The following GAB3 variants were observed in gnomAD, a reference collection of about 807,000 sequenced individuals.
GAB3 encodes the protein GRB2-associated-binding protein 3.
A neutral mutation model predicts 40.4 loss-of-function variants in GAB3; 12 were observed. That is an observed-to-expected ratio of 0.30 (90% CI 0.19 to 0.48). The LOEUF (loss-of-function observed/expected upper bound fraction) is 0.48, where lower values mean the gene tolerates loss of function less well. Among genes scored for constraint, GAB3 ranks in the 20% least tolerant of loss-of-function variants. The probability of loss-of-function intolerance (pLI) is 0.99; values close to 1 mark genes in which losing one functional copy is unlikely to be tolerated. For missense variants in GAB3, 381 were observed against 461.9 expected (o/e 0.82, Z 1.61); for synonymous variants, 154 against 176.7 (o/e 0.87, Z 1.02).
At chrX:154,731,221 G>A in intron 1 of GAB3, among the ~76,000 whole-genome samples, 1 of 112,038 alleles carries the variant, frequency 8.9e-6, no homozygotes, top group Non-Finnish European at 1.9e-5. Flanking sequence ...GTCAGGATCA[G>A]GATGCAAAAT....
At chrX:154,745,987 G>A (rs947236064) in intron 1 of GAB3, among the ~76,000 whole-genome samples, 2 of 107,349 alleles carry the variant, frequency 1.9e-5, no homozygotes, top group Non-Finnish European at 3.9e-5. Flanking sequence ...AGGAGGTGGA[G>A]GTTGCAGCGA....
intron 1 of GAB3, among the ~76,000 whole-genome samples, chrX:154,720,813 C>T (rs1557258589): frequency 9.0e-6 from 1 of 111,407 alleles, no homozygotes; most frequent in Non-Finnish European, 1.9e-5. Flanking sequence ...GTATTCTGAT[C>T]AGTAATGGAA....
Position 154,723,266 on chromosome X carries a change from G to A in GAB3, c.73-6937C>T, listed in dbSNP as rs138812064. ...TGGATTCATTCAATCAATATTTACCGAGTGTCCACTATGTGCCAGACACTG... is the reference window on the plus strand; with the variant it reads ...TGGATTCATTCAATCAATATTTACCAAGTGTCCACTATGTGCCAGACACTG... On this transcript the variant is annotated intron_variant, in intron 1 of 9. Transcript: ENST00000424127. 9.7e-3 allele frequency among the ~76,000 whole-genome samples: 1,087 copies of A among 112,039 alleles called. 7 individuals carry two copies. In the Middle Eastern group the frequency reaches 0.12, roughly 13 times the overall value.
At chrX:154,697,033 T>G (rs782301658) in intron 7 of GAB3, 99 bp downstream of exon 7, 18 of 681,298 alleles carry the variant, frequency 2.6e-5, no homozygotes, top group Non-Finnish European at 3.7e-5. Context: ...TCCTTTGGCT[T>G]AAGCTAGATC....
chrX:154,733,231 A>C (rs73641110), intron 1 of GAB3, among the ~76,000 whole-genome samples: 4,024 of 111,940 alleles, frequency 0.036, 189 homozygotes, highest in African/African-American at 0.12. Flanking sequence ...AGATACAACA[A>C]CACCAACCAG....
chrX:154,722,090 A>C (rs1411420089), intron 1 of GAB3, among the ~76,000 whole-genome samples: 1 of 112,135 alleles, frequency 8.9e-6, no homozygotes, highest in Non-Finnish European at 1.9e-5. Context: ...TCACACTATG[A>C]AATATTATTC....
At chrX:154,728,186 C>A (rs1400027599) in intron 1 of GAB3, among the ~76,000 whole-genome samples, 1 of 112,073 alleles carries the variant, frequency 8.9e-6, no homozygotes, top group African/African-American at 3.2e-5. Flanking sequence ...GGGTCAGCAA[C>A]CTGCCTTCAG....
intron 9 of GAB3, chrX:154,679,249 C>T (rs1557246251): frequency 2.9e-6 from 1 of 341,930 alleles, no homozygotes; most frequent in Admixed American, 3.1e-5. Context: ...TCTCTTTTTC[C>T]TCTGCCAGGA....
In GAB3 at chrX:154,700,054, C is replaced by T; in HGVS notation, c.1075G>A (p.Val359Ile). ...LDNMRTWKAD[V>I]EGQSLRHRDK... ...CGGTGTCTTAAGGATTGGCCTTCTA[C>T]ATCAGCTGCAAGAAATAAGCCAAGG... Residue 359 changes from valine to isoleucine, a missense_variant, in exon 5 of 10, where the codon GTA becomes ATA. Physicochemically the swap from Val to Ile is conservative, Grantham distance 29 (BLOSUM62 3). This residue lies in a region of GAB3 where 364 missense variants were observed against 421.0 expected (regional missense o/e 0.86). Coordinates refer to ENST00000424127, the MANE Select transcript of GAB3 (RefSeq NM_001081573.3). The T allele has an allele frequency of 8.3e-7, 1 of 1,206,232 alleles. No homozygotes were observed.
chrX:154,694,012 A>C (rs2070612152), intron 8 of GAB3, among the ~76,000 whole-genome samples: 1 of 111,336 alleles, frequency 9.0e-6, no homozygotes, highest in Non-Finnish European at 1.9e-5. Flanking sequence ...CACTACATTC[A>C]GATCAGAACT....
At chrX:154,740,248 G>A (rs1369006206) in intron 1 of GAB3, among the ~76,000 whole-genome samples, 4 of 111,904 alleles carry the variant, frequency 3.6e-5, no homozygotes, top group Non-Finnish European at 5.6e-5. Context: ...TCCACATAGT[G>A]AAATATTATG....
chrX:154,686,119 A>G (rs2070445520), intron 8 of GAB3, among the ~76,000 whole-genome samples: 1 of 111,865 alleles, frequency 8.9e-6, no homozygotes, highest in African/African-American at 3.2e-5. Flanking sequence ...AGGAGAGAAC[A>G]CTTCCTGAGG....
intron 1 of GAB3, among the ~76,000 whole-genome samples, chrX:154,747,172 AT>A (rs1443366694): frequency 9.0e-6 from 1 of 111,016 alleles, no homozygotes; most frequent in Admixed American, 9.6e-5. Context: ...TGCCTGGCTA[AT>A]TTTTTTTGTG....
chrX:154,689,788 C>T (rs1219254449), intron 8 of GAB3, among the ~76,000 whole-genome samples: 6 of 106,749 alleles, frequency 5.6e-5, no homozygotes, highest in Admixed American at 2.0e-4. Context: ...AATGGAAGAA[C>T]ATTCCATGCT....
At position 154,697,117 on chromosome X, in the gene GAB3, A is replaced by T. The variant is rs201469007; in HGVS notation, c.1427+15T>A. The T allele has an allele frequency of 7.6e-6, 9 of 1,186,189 alleles. No individual in the cohort carries two copies. Among genetic ancestry groups the T allele is most frequent in the Non-Finnish European group, 8.0e-6 (7 of 872,502 alleles). On this transcript the variant is annotated intron_variant, in intron 7 of 9. Coordinates refer to ENST00000424127, the MANE Select transcript of GAB3 (RefSeq NM_001081573.3). ...GTCTGTGCTGGATGAGGCTCTTTTG[A>T]GCAATCAGTCTTACCAAGGCACAGT...
intron 8 of GAB3, among the ~76,000 whole-genome samples, chrX:154,693,629 T>C (rs2070606667): frequency 8.9e-6 from 1 of 111,813 alleles, no homozygotes; most frequent in South Asian, 3.7e-4. Flanking sequence ...ATGAGGGATT[T>C]TGGAACCGTT....
Position 154,677,914 on chromosome X carries a change from G to A in GAB3, c.*264C>T, listed in dbSNP as rs945509399. On this transcript the variant is annotated 3_prime_UTR_variant, in exon 10 of 10. Coordinates refer to ENST00000424127, the MANE Select transcript of GAB3 (RefSeq NM_001081573.3). ...GGTGGCAACACTCACTCCAATCTTT[G>A]CTCCAATAGGACAGAGGGGAGGCTA... is the stretch of plus-strand genomic sequence containing the variant. 7 of 298,131 alleles carry A rather than the reference G, an allele frequency of 2.3e-5. No homozygotes were observed. The highest frequency in any genetic ancestry group is 3.5e-5 in the Non-Finnish European group (6 of 172,852). 24.6% of individuals were successfully genotyped at this position (298,131 alleles called of 1,213,427 possible). A position where few individuals can be genotyped will look rare whatever the true frequency, so the allele number is the denominator to read the frequency against.
intron 8 of GAB3, among the ~76,000 whole-genome samples, chrX:154,690,621 A>T (rs1228915875): frequency 6.2e-5 from 7 of 112,449 alleles, no homozygotes; most frequent in African/African-American, 2.3e-4. Flanking sequence ...ATGAACAGAC[A>T]CTTCGCAAAA....
At chrX:154,741,532 C>T (rs1427018186) in intron 1 of GAB3, among the ~76,000 whole-genome samples, 5 of 109,053 alleles carry the variant, frequency 4.6e-5, no homozygotes, top group African/African-American at 1.0e-4. Flanking sequence ...AGAAATGAGC[C>T]GGGTGCAGTG....
Sources: allele counts gnomAD v4.1 joint callset (sites outside exome capture counted in the v4.1 genomes callset), GRCh38; gene constraint gnomAD v4.1.1; regional missense constraint gnomAD v4.1.1; transcripts MANE v1.5; gene names NCBI Gene and HGNC (gene_info 2026-07-23, HGNC 2026-07-21).